Variants in KCNH3 observed in about 807,000 individuals in gnomAD.
KCNH3 encodes voltage-gated inwardly rectifying potassium channel KCNH3.
KCNH3 carries 36 observed loss-of-function variants against 95.6 expected under a neutral mutation model. That is an observed-to-expected ratio of 0.38 (90% CI 0.29 to 0.50). The LOEUF is 0.50. Among genes scored for constraint, KCNH3 ranks in the 20% least tolerant of loss-of-function variants. The pLI, the probability that KCNH3 is intolerant of heterozygous loss-of-function variation, is 0.95. For missense variants in KCNH3, 1,030 were observed against 1,484.1 expected (o/e 0.69, Z 5.03); for synonymous variants, 620 against 646.3 (o/e 0.96, Z 0.62).
At chr12:49,550,043 T>TGCCCCCCCCCC in intron 9 of KCNH3, 37 bp from the exon 10 acceptor site, 4 of 1,299,540 alleles carry the variant, frequency 3.1e-6, no homozygotes, top group Non-Finnish European at 3.2e-6. Context: ...CTTCTGCCAC[T>TGCCCCCCCCCC]CCCAACCCCC....
chr12:49,541,895 A>T, intron 3 of KCNH3, 131 bp downstream of exon 3: 1 of 916,800 alleles, frequency 1.1e-6, no homozygotes, highest in South Asian at 1.6e-5. Context: ...GCTGCCTGAG[A>T]GGCCTGTGCT....
chr12:49,549,073 C>G lies in KCNH3; in HGVS notation c.1368C>G (p.Leu456=). The change falls in exon 8 of 15, where the codon CTC becomes CTG. Residue 456 remains leucine (L), a synonymous_variant. Transcript: ENST00000257981. ...PSLRSAYITS[L]YFALSSLTSV... ...TGCGCAGCGCCTACATCACCTCCCT[C>G]TACTTCGCACTCAGCAGCCTCACCA... 1 of 1,612,698 alleles carries G rather than the reference C, an allele frequency of 6.2e-7. No homozygotes were observed. Among genetic ancestry groups the G allele is most frequent in the Non-Finnish European group, 8.5e-7 (1 of 1,179,852 alleles).
At chr12:49,547,363 A>G (rs1387806216) in intron 7 of KCNH3, among the ~76,000 whole-genome samples, 1 of 152,224 alleles carries the variant, frequency 6.6e-6, no homozygotes, top group African/African-American at 2.4e-5. Context: ...TTGTCTTAAA[A>G]TATCAGTCTC....
intron 9 of KCNH3, 36 bp from the exon 10 acceptor site, chr12:49,550,044 C>CA: frequency 3.0e-6 from 2 of 655,786 alleles, no homozygotes; most frequent in Non-Finnish European, 5.1e-6. Flanking sequence ...TTCTGCCACT[C>CA]CCAACCCCCC....
Position 49,549,000 on chromosome 12 carries a change from G to A in KCNH3, c.1295G>A (p.Ser432Asn), listed in dbSNP as rs372928540. The A allele has an allele frequency of 5.3e-5, 86 of 1,611,284 alleles. No homozygotes were observed. Among genetic ancestry groups the A allele is most frequent in the Middle Eastern group, 1.6e-4 (1 of 6,074 alleles). ...SSGQSDNCSS[S>N]SEANGTGLEL... is the part of the protein sequence containing the mutation. ...GGCCAGAGTGACAACTGCAGCAGCA[G>A]CAGCGAGGCCAACGGGACGGGGCTG... Residue 432 changes from serine (S) to asparagine (N), a missense_variant, in exon 8 of 15, where the codon AGC becomes AAC. Coordinates refer to ENST00000257981, the MANE Select transcript of KCNH3 (RefSeq NM_012284.3).
rs778472912 is a variant in KCNH3 at position 49,554,565 on chromosome 12, T to C, written c.2136+11T>C. On this transcript the variant is annotated intron_variant, in intron 11 of 14. Coordinates refer to ENST00000257981, the MANE Select transcript of KCNH3 (RefSeq NM_012284.3). The stretch of plus-strand genomic sequence containing the variant: ...GGAGGCTCTGCAGAGGTGAGTGTGC[T>C]GAGTATGTGCTTGGAGGGGATGGGG... 9.4e-6 allele frequency: 15 copies of C among 1,604,064 alleles called. No individual in the cohort carries two copies. The highest frequency in any genetic ancestry group is 1.7e-4 in the Middle Eastern group (1 of 6,054).
chr12:49,552,105 C>G (rs1451782296), intron 10 of KCNH3, among the ~76,000 whole-genome samples: 2 of 152,180 alleles, frequency 1.3e-5, no homozygotes, highest in Non-Finnish European at 2.9e-5. Context: ...AGCTGGCAAT[C>G]CTTGGAGAGA....
chr12:49,542,640 C>T (rs1344543734), intron 3 of KCNH3, 66 bp from the exon 4 acceptor site: 2 of 1,501,104 alleles, frequency 1.3e-6, no homozygotes, highest in Admixed American at 2.2e-5. Flanking sequence ...GTGTCCTACA[C>T]CTGACCCGGA....
chr12:49,557,788 C>T lies in KCNH3; in HGVS notation c.3087C>T (p.Pro1029=), dbSNP rs148792388. 842 of 1,606,152 alleles carry T rather than the reference C, an allele frequency of 5.2e-4. 2 individuals carry two copies. The African/African-American group carries it at 6.5e-3, about 12-fold the overall frequency. Residue 1029 remains proline, a synonymous_variant, in exon 15 of 15, where the codon CCC becomes CCT. Transcript: ENST00000257981. ...PPSEEGARTG[P]AEPVSQAEAT... Reference sequence around the variant, plus strand: ...CTGAGGAAGGGGCTAGGACTGGGCCCGCAGAGCCTGTGAGCCAGGCTGAGG... The same window carrying T: ...CTGAGGAAGGGGCTAGGACTGGGCCTGCAGAGCCTGTGAGCCAGGCTGAGG...
At chr12:49,541,883 A>G (rs1246751342) in intron 3 of KCNH3, 119 bp downstream of exon 3, 6 of 1,074,036 alleles carry the variant, frequency 5.6e-6, no homozygotes, top group Non-Finnish European at 8.2e-6. Flanking sequence ...ACTCCCACTC[A>G]GGCTGCCTGA....
At chr12:49,542,403 T>C (rs1937901135) in intron 3 of KCNH3, among the ~76,000 whole-genome samples, 2 of 152,360 alleles carry the variant, frequency 1.3e-5, no homozygotes, top group African/African-American at 4.8e-5. Context: ...ACCCTGGCCC[T>C]GTGAGGTACC....
Position 49,544,069 on chromosome 12 carries a change from C to T in KCNH3, c.978C>T (p.Asn326=), listed in dbSNP as rs772649359. The part of the protein sequence containing the change: ...PFDLLHAFKV[N]VYFGAHLLKT... ...ACCTGCTACATGCCTTCAAGGTCAA[C>T]GTGGTCAGTGTGGCTGGGCTGGCTG... Residue 326 remains asparagine (N), a synonymous_variant, in exon 6 of 15, where the codon AAC becomes AAT. Transcript: ENST00000257981. 25 of 1,609,418 alleles carry T rather than the reference C, an allele frequency of 1.6e-5. No homozygotes were observed. In the Admixed American group the frequency reaches 2.8e-4, roughly 18 times the overall value.
At chr12:49,553,760 C>A (rs529026721) in intron 10 of KCNH3, among the ~76,000 whole-genome samples, 1 of 152,198 alleles carries the variant, frequency 6.6e-6, no homozygotes, top group Non-Finnish European at 1.5e-5. Context: ...CAGTTAAATG[C>A]AGCATCTCTT....
Position 49,558,123 on chromosome 12 carries a change from T to C in KCNH3, c.*170T>C, listed in dbSNP as rs1425297116. The C allele has an allele frequency of 3.1e-5, 21 of 670,340 alleles. No individual in the cohort carries two copies. Among genetic ancestry groups the C allele is most frequent in the Non-Finnish European group, 4.6e-5 (21 of 458,386 alleles). 41.5% of individuals were successfully genotyped at this position (670,340 alleles called of 1,614,324 possible). On this transcript the variant is annotated 3_prime_UTR_variant, in exon 15 of 15. Coordinates refer to ENST00000257981, the MANE Select transcript of KCNH3 (RefSeq NM_012284.3). The stretch of plus-strand genomic sequence containing the variant: ...CCTGGCTCCTGACTCTCAGAGAGGA[T>C]AGGCTGGATCCCTGGGGCAGGCCTC...
Position 49,542,797 on chromosome 12 carries a change from G to T in KCNH3, c.537G>T (p.Gly179=). The T allele has an allele frequency of 6.2e-7, 1 of 1,602,356 alleles. No homozygotes were observed. Among genetic ancestry groups the T allele is most frequent in the Non-Finnish European group, 8.5e-7 (1 of 1,175,712 alleles). ...RSRAVLYHLS[G]HLQKQPKGKH... is the part of the protein sequence containing the mutation. ...GGGCCGTGCTCTACCACCTGTCCGG[G>T]CACCTGCAGAAGCAGCCCAAGGGCA... The change falls in exon 4 of 15, where the codon GGG becomes GGT. Residue 179 remains glycine (G), a synonymous_variant. Transcript: ENST00000257981.
Position 49,543,477 on chromosome 12 carries a change from CCAG to C in KCNH3, c.784_786del (p.Ser262del). The C allele has an allele frequency of 6.2e-7, 1 of 1,600,774 alleles. No homozygotes were observed. The highest frequency in any genetic ancestry group is 8.5e-7 in the Non-Finnish European group (1 of 1,179,196). ...GAGCCCAGTGCCGCCCGCGGCCCGC[CCAG>C]CGTCTGTGACCTGGCCGTGGAGGTC... is the stretch of plus-strand genomic sequence containing the variant. On this transcript the variant is annotated inframe_deletion, in exon 5 of 15. Coordinates refer to ENST00000257981, the MANE Select transcript of KCNH3 (RefSeq NM_012284.3).
intron 9 of KCNH3, 38 bp from the exon 10 acceptor site, chr12:49,550,042 C>CGG: frequency 1.4e-6 from 2 of 1,480,058 alleles, no homozygotes; most frequent in Non-Finnish European, 1.8e-6. Flanking sequence ...TCTTCTGCCA[C>CGG]TCCCAACCCC....
intron 7 of KCNH3, among the ~76,000 whole-genome samples, chr12:49,545,319 AC>A (rs1450792055): frequency 1.3e-5 from 2 of 149,792 alleles, no homozygotes; most frequent in Non-Finnish European, 3.0e-5. Flanking sequence ...CCAAAATCAA[AC>A]CTGACCTCTT....
In KCNH3 at chr12:49,547,201, C is replaced by T. The variant is rs535378580; in HGVS notation, c.1190-1694C>T. On this transcript the variant is annotated intron_variant, in intron 7 of 14. Coordinates refer to ENST00000257981, the MANE Select transcript of KCNH3 (RefSeq NM_012284.3). ...AGCCACTGCACCCAACCATGTACTC[C>T]ACTGCATTCTTATGGCACATCTCAG... Among the ~76,000 whole-genome samples the T allele has an allele frequency of 5.9e-5, 9 of 152,276 alleles. No homozygotes were observed. In the South Asian group the frequency reaches 1.9e-3, roughly 32 times the overall value.
Sources: allele counts gnomAD v4.1 joint callset (sites outside exome capture counted in the v4.1 genomes callset), GRCh38; gene constraint gnomAD v4.1.1; transcripts MANE v1.5; gene names NCBI Gene and HGNC (gene_info 2026-07-23, HGNC 2026-07-21).